GALNTL6: variants seen among roughly 807,000 people sequenced by gnomAD.
GALNTL6 encodes the protein polypeptide N-acetylgalactosaminyltransferase-like 6.
GALNTL6 carries 46 observed loss-of-function variants against 73.7 expected under a neutral mutation model. The observed-to-expected ratio is 0.62, with a 90% CI of 0.49 to 0.80. GALNTL6 has a LOEUF of 0.80. Ranked by LOEUF, GALNTL6 falls within the 30% of genes least tolerant of loss-of-function variation. The pLI, the probability that GALNTL6 is intolerant of heterozygous loss-of-function variation, is 0.00. For synonymous variants in GALNTL6, 259 were observed against 263.7 expected, an observed-to-expected ratio of 0.98 and a Z score of 0.17; for missense variants, 604 against 755.0, an observed-to-expected ratio of 0.80 and a Z score of 2.34.
intron 2 of GALNTL6, among the ~76,000 whole-genome samples, chr4:172,154,120 T>G (rs1446800823): frequency 6.6e-6 from 1 of 151,020 alleles, no homozygotes; most frequent in Non-Finnish European, 1.5e-5. Flanking sequence ...GTGTGTTAAA[T>G]AAAAATCATG....
In GALNTL6 at chr4:172,989,363, C is replaced by T. The variant is rs548314870; in HGVS notation, c.1372-19815C>T. ...CTCAAATGAGACTTTTGACTATGAA[C>T]TTTTGAGTTAATGCTGAAATGAATT... On this transcript the variant is annotated intron_variant, in intron 10 of 12. Transcript: ENST00000506823. Among the ~76,000 whole-genome samples, 22 of 152,208 alleles carry T rather than the reference C, an allele frequency of 1.4e-4. No homozygotes were observed. In the East Asian group the frequency reaches 4.3e-3, roughly 29 times the overall value.
chr4:172,871,740 G>A (rs1245823137), intron 7 of GALNTL6, among the ~76,000 whole-genome samples: 1 of 145,042 alleles, frequency 6.9e-6, no homozygotes, highest in African/African-American at 2.6e-5. Flanking sequence ...TGGAGATACT[G>A]GTAAAGTTTA....
At chr4:172,436,342 T>TA (rs1368031846) in intron 5 of GALNTL6, among the ~76,000 whole-genome samples, 1 of 152,068 alleles carries the variant, frequency 6.6e-6, no homozygotes, top group African/African-American at 2.4e-5. Flanking sequence ...AAGAGATTTT[T>TA]AAAACCATTC....
At position 172,222,163 on chromosome 4, in the gene GALNTL6, A is replaced by G. The variant is rs1579271809; in HGVS notation, c.139-7493A>G. Among the ~76,000 whole-genome samples the G allele has an allele frequency of 1.3e-5, 2 of 151,678 alleles. 1 individual carries two copies. The highest frequency in any genetic ancestry group is 4.1e-4 in the South Asian group (2 of 4,830). ...GCATCTTCAGAAATTTCTCAGAAGC[A>G]CACCAAAAAAATCATAAAATGAGGG... On this transcript the variant is annotated intron_variant, in intron 2 of 12. Transcript: ENST00000506823.
intron 5 of GALNTL6, among the ~76,000 whole-genome samples, chr4:172,555,292 T>G (rs1358059927): frequency 6.6e-6 from 1 of 152,176 alleles, no homozygotes; most frequent in Non-Finnish European, 1.5e-5. Context: ...ATATAAAATC[T>G]TGTATCTATA....
chr4:172,351,546 C>A (rs1047672860), intron 5 of GALNTL6, among the ~76,000 whole-genome samples: 1 of 152,060 alleles, frequency 6.6e-6, no homozygotes, highest in African/African-American at 2.4e-5. Context: ...TTTACAGGGC[C>A]TCTAAGAGAG....
intron 7 of GALNTL6, among the ~76,000 whole-genome samples, chr4:172,847,358 A>T (rs374751155): frequency 2.6e-5 from 4 of 152,122 alleles, no homozygotes; most frequent in Admixed American, 2.0e-4. Context: ...CCTCTTTTTA[A>T]AATTCATATT....
chr4:172,104,243 T>G (rs1732612650), intron 2 of GALNTL6, among the ~76,000 whole-genome samples: 1 of 152,140 alleles, frequency 6.6e-6, no homozygotes, highest in Non-Finnish European at 1.5e-5. Flanking sequence ...GTGCCCGGCC[T>G]GGGGCAGGTT....
chr4:172,477,392 G>T (rs1733277237), intron 5 of GALNTL6, among the ~76,000 whole-genome samples: 1 of 152,104 alleles, frequency 6.6e-6, no homozygotes, highest in South Asian at 2.1e-4. Flanking sequence ...TAGTAGATTT[G>T]ATTATCTTTC....
At chr4:172,023,100 G>A (rs1329968077) in intron 2 of GALNTL6, among the ~76,000 whole-genome samples, 2 of 151,786 alleles carry the variant, frequency 1.3e-5, no homozygotes, top group African/African-American at 4.8e-5. Context: ...CATTGAAGAG[G>A]TGTCTCTTAT....
chr4:171,944,711 A>T (rs1738649610), intron 2 of GALNTL6, among the ~76,000 whole-genome samples: 1 of 151,948 alleles, frequency 6.6e-6, no homozygotes, highest in African/African-American at 2.4e-5. Context: ...GAGTCATCAT[A>T]TAGGTTTCTA....
chr4:172,194,321 C>T (rs1403475236), intron 2 of GALNTL6, among the ~76,000 whole-genome samples: 1 of 152,180 alleles, frequency 6.6e-6, no homozygotes, highest in African/African-American at 2.4e-5. Context: ...ACTGAACCAA[C>T]AACAAATTGG....
At chr4:172,461,999 C>T (rs1386949549) in intron 5 of GALNTL6, among the ~76,000 whole-genome samples, 5 of 152,216 alleles carry the variant, frequency 3.3e-5, no homozygotes, top group South Asian at 4.1e-4. Flanking sequence ...AAAAAAAAGG[C>T]AGAGGAAGGG....
chr4:172,009,296 C>T (rs935931424), intron 2 of GALNTL6, among the ~76,000 whole-genome samples: 8 of 152,028 alleles, frequency 5.3e-5, no homozygotes, highest in Non-Finnish European at 4.4e-5. Context: ...AGAGATTATG[C>T]TCCTATGACT....
chr4:172,283,445 CTTTTA>C (rs1265044799), intron 3 of GALNTL6, among the ~76,000 whole-genome samples: 2 of 152,116 alleles, frequency 1.3e-5, no homozygotes, highest in Non-Finnish European at 1.5e-5. Context: ...ATTACAGTGA[CTTTTA>C]TTTTACTTTG....
chr4:172,622,987 T>C (rs963716295), intron 5 of GALNTL6, among the ~76,000 whole-genome samples: 1 of 152,146 alleles, frequency 6.6e-6, no homozygotes, highest in African/African-American at 2.4e-5. Context: ...CACTAAGAGA[T>C]TTAAGTTAGA....
At chr4:171,938,315 C>T (rs1738416759) in intron 2 of GALNTL6, among the ~76,000 whole-genome samples, 1 of 152,134 alleles carries the variant, frequency 6.6e-6, no homozygotes, top group South Asian at 2.1e-4. Flanking sequence ...TCTATAGCCT[C>T]TGCCTCTTGT....
At chr4:172,185,225 A>G (rs1417923505) in intron 2 of GALNTL6, among the ~76,000 whole-genome samples, 2 of 152,200 alleles carry the variant, frequency 1.3e-5, no homozygotes, top group African/African-American at 4.8e-5. Flanking sequence ...CTATACCCAA[A>G]TAATGATGGC....
intron 2 of GALNTL6, among the ~76,000 whole-genome samples, chr4:172,041,024 T>C (rs560816955): frequency 6.6e-6 from 1 of 152,232 alleles, no homozygotes; most frequent in East Asian, 1.9e-4. Context: ...AACTAAATAG[T>C]TCACAATGGC....
Sources: gnomAD v4.1 joint callset for allele counts (sites outside exome capture counted in the v4.1 genomes callset) on GRCh38, gnomAD v4.1.1 for gene constraint, MANE v1.5 for transcripts, NCBI Gene and HGNC (gene_info 2026-07-23, HGNC 2026-07-21) for gene names.